The following KCTD13 variants were observed in gnomAD, a reference collection of about 807,000 sequenced individuals.
KCTD13 encodes the protein BTB/POZ domain-containing adapter for CUL3-mediated RhoA degradation protein 1.
KCTD13 carries 15 observed loss-of-function variants against 32.3 expected under a neutral mutation model. The observed-to-expected ratio is 0.46, with a 90% CI of 0.31 to 0.71. The LOEUF (loss-of-function observed/expected upper bound fraction) is 0.71, where lower values mean the gene tolerates loss of function less well. KCTD13 is among the 30% of genes least tolerant of loss of function. KCTD13 has a pLI of 0.05. For synonymous variants in KCTD13, 189 were observed against 200.1 expected (o/e 0.94, Z 0.47); for missense variants, 337 against 452.6 (o/e 0.74, Z 2.32).
chr16:29,923,712 T>A (rs536554384), intron 1 of KCTD13, among the ~76,000 whole-genome samples: 3 of 151,522 alleles, frequency 2.0e-5, no homozygotes, highest in African/African-American at 7.3e-5. Context: ...AAATACAAAA[T>A]TAGCTGGGCT....
chr16:29,922,442 TTG>T (rs1256335180), intron 2 of KCTD13: 1 of 152,216 alleles, frequency 6.6e-6, no homozygotes, highest in Non-Finnish European at 1.5e-5. Flanking sequence ...ACTCACTACT[TTG>T]TACTTATTTT....
intron 1 of KCTD13, among the ~76,000 whole-genome samples, chr16:29,924,467 TC>T (rs2068963861): frequency 6.6e-6 from 1 of 151,974 alleles, no homozygotes; most frequent in East Asian, 1.9e-4. Flanking sequence ...AATGTCTACC[TC>T]CCCCCGTCCA....
At chr16:29,924,524 C>CA (rs934107697) in intron 1 of KCTD13, among the ~76,000 whole-genome samples, 3 of 151,622 alleles carry the variant, frequency 2.0e-5, no homozygotes, top group Admixed American at 1.3e-4. Context: ...AGCTTACTAT[C>CA]AAAAAAAGAA....
At chr16:29,916,677 G>A (rs1275506608) in intron 2 of KCTD13, among the ~76,000 whole-genome samples, 2 of 152,082 alleles carry the variant, frequency 1.3e-5, no homozygotes, top group Non-Finnish European at 2.9e-5. Context: ...CAGCCTGGCC[G>A]ACAGAGCAAG....
chr16:29,924,464 AC>A (rs2068963749), intron 1 of KCTD13, among the ~76,000 whole-genome samples: 1 of 151,408 alleles, frequency 6.6e-6, no homozygotes, highest in Admixed American at 6.6e-5. Context: ...TAAAATGTCT[AC>A]CTCCCCCCGT....
chr16:29,921,000 G>A (rs1412950280), intron 2 of KCTD13: 1 of 152,126 alleles, frequency 6.6e-6, no homozygotes, highest in Non-Finnish European at 1.5e-5. Context: ...TCCAACCTCA[G>A]GGGAATGTAT....
rs1221089913 is a variant in KCTD13, at chr16:29,912,029, G to A, written c.435C>T (p.Ser145=). The A allele has an allele frequency of 2.5e-6, 4 of 1,609,174 alleles. No homozygotes were observed. The highest frequency in any genetic ancestry group is 1.1e-5 in the South Asian group (1 of 90,396). ...TCACCATGGGGATGAGGCACAGCGG[G>A]GACAGCGTCTCCCTTTTTTGCTGGG... The part of the protein sequence containing the change: ...LALQQKRETL[S]PLCLIPMVTS... Residue 145 remains serine, a synonymous_variant, in exon 3 of 6, where the codon TCC becomes TCT. Transcript: ENST00000568000.
chr16:29,906,901 G>A lies in KCTD13; in HGVS notation c.961C>T (p.His321Tyr). 6.2e-7 allele frequency: 1 copy of A among 1,614,148 alleles called. No homozygotes were observed. Among genetic ancestry groups the A allele is most frequent in the Non-Finnish European group, 8.5e-7 (1 of 1,180,006 alleles). The change falls in exon 6 of 6, where the codon CAT becomes TAT. Residue 321 changes from histidine to tyrosine, a missense_variant. His to Tyr is a moderately conservative substitution (Grantham distance 83). This residue lies in a region of KCTD13 where 252 missense variants were observed against 340.2 expected (regional missense o/e 0.74). Transcript: ENST00000568000. ...TCCTTGAAGACAATTTGTTGGCCAT[G>A]AGGACGCTCGTCGTGGGTGATATGG... ...RRHITHDERP[H>Y]GQQIVFKD is the part of the protein sequence containing the mutation.
At chr16:29,917,277 T>C (rs1296975869) in intron 2 of KCTD13, among the ~76,000 whole-genome samples, 1 of 152,094 alleles carries the variant, frequency 6.6e-6, no homozygotes, top group Admixed American at 6.6e-5. Context: ...AAAAATGAGC[T>C]AAATCCCTTC....
intron 1 of KCTD13, among the ~76,000 whole-genome samples, chr16:29,924,066 C>T (rs992846394): frequency 4.8e-5 from 7 of 144,828 alleles, no homozygotes; most frequent in Non-Finnish European, 1.1e-4. Flanking sequence ...CCCAGCTACT[C>T]AGGAGGCTGA....
At chr16:29,918,696 GC>G (rs1431651042) in intron 2 of KCTD13, among the ~76,000 whole-genome samples, 6 of 151,900 alleles carry the variant, frequency 3.9e-5, no homozygotes, top group Admixed American at 3.3e-4. Flanking sequence ...TCGCACTGTT[GC>G]CCAGGCTGGA....
Position 29,925,770 on chromosome 16 carries a change from G to A in KCTD13, c.244+20C>T, listed in dbSNP as rs1313506950. 5 of 1,610,762 alleles carry A rather than the reference G, an allele frequency of 3.1e-6. No individual in the cohort carries two copies. In the South Asian group the frequency reaches 3.3e-5, roughly 11 times the overall value. ...AGTTGGGGGTCTGGGGTGGGGGCAC[G>A]GTAGGGGCGCCGCTCGTACCTCCGG... On this transcript the variant is annotated intron_variant, in intron 1 of 5. Coordinates refer to ENST00000568000, the MANE Select transcript of KCTD13 (RefSeq NM_178863.5).
chr16:29,916,738 T>C (rs2150840241), intron 2 of KCTD13, among the ~76,000 whole-genome samples: 1 of 152,296 alleles, frequency 6.6e-6, no homozygotes, highest in Middle Eastern at 3.4e-3. Flanking sequence ...TTATCTCACA[T>C]AGTTTCTGTG....
chr16:29,923,253 C>T lies in KCTD13; in HGVS notation c.351G>A (p.Leu117=), dbSNP rs759995988. Residue 117 remains leucine (L), a synonymous_variant, in exon 2 of 6, where the codon CTG becomes CTA. Coordinates refer to ENST00000568000, the MANE Select transcript of KCTD13 (RefSeq NM_178863.5). ...CCAGGTAGTAGCGTGCTTCGCCCAG[C>T]AGCTCCCCCAGTTCTCTCGTACTCT... ...LPESTRELGE[L]LGEARYYLVQ... 1.9e-6 allele frequency: 3 copies of T among 1,614,222 alleles called. No individual in the cohort carries two copies. Among genetic ancestry groups the T allele is most frequent in the Non-Finnish European group, 1.7e-6 (2 of 1,180,042 alleles).
intron 2 of KCTD13, among the ~76,000 whole-genome samples, chr16:29,915,567 A>C (rs1042752908): frequency 6.6e-6 from 1 of 151,662 alleles, no homozygotes; most frequent in Non-Finnish European, 1.5e-5. Context: ...CAGGAGAATC[A>C]CTTGAACCCA....
chr16:29,911,229 C>T, intron 4 of KCTD13, 56 bp from the exon 5 acceptor site: 3 of 1,375,840 alleles, frequency 2.2e-6, no homozygotes, highest in Non-Finnish European at 3.1e-6. Context: ...CCCTCTGTAC[C>T]CCCAGAAGAC....
chr16:29,912,145 C>G, intron 2 of KCTD13, 96 bp from the exon 3 acceptor site: 1 of 800,802 alleles, frequency 1.2e-6, no homozygotes, highest in South Asian at 1.5e-5. Flanking sequence ...CAACTCCAGA[C>G]TCCTCAGTGG....
chr16:29,919,100 A>C (rs2068863614), intron 2 of KCTD13, among the ~76,000 whole-genome samples: 1 of 152,164 alleles, frequency 6.6e-6, no homozygotes, highest in Non-Finnish European at 1.5e-5. Context: ...ACCCAATATC[A>C]GTCATTTAAA....
chr16:29,926,178 C>G lies in KCTD13; in HGVS notation c.-145G>C, dbSNP rs960820705. 3.1e-6 allele frequency: 3 copies of G among 965,244 alleles called. No individual in the cohort carries two copies. Among genetic ancestry groups the G allele is most frequent in the Non-Finnish European group, 4.2e-6 (3 of 707,698 alleles). The allele number at this position is 965,244 out of a possible 1,614,324, so 59.8% of individuals were successfully genotyped here. ...ACCGCAGCTACTCTGCAAGACCGGC[C>G]CTCCGCCCCATCTCGCTCGCACCAC... On this transcript the variant is annotated 5_prime_UTR_variant, in exon 1 of 6. Transcript: ENST00000568000.
Sources: allele counts gnomAD v4.1 joint callset (sites outside exome capture counted in the v4.1 genomes callset), GRCh38; gene constraint gnomAD v4.1.1; regional missense constraint gnomAD v4.1.1; transcripts MANE v1.5; gene names NCBI Gene and HGNC (gene_info 2026-07-23, HGNC 2026-07-21).